MACROD2: variants seen among roughly 807,000 people sequenced by gnomAD.
MACROD2 encodes the protein ADP-ribose glycohydrolase MACROD2.
A neutral mutation model predicts 70.4 loss-of-function variants in MACROD2; 36 were observed. The ratio of observed to expected loss-of-function variants is 0.51; its 90% CI spans 0.39 to 0.68. MACROD2 has a LOEUF of 0.68. MACROD2 is among the 30% of genes least tolerant of loss of function. MACROD2 has a pLI of 0.00. For synonymous variants in MACROD2, 172 were observed against 178.8 expected (o/e 0.96, Z 0.30); for missense variants, 496 against 538.4 (o/e 0.92, Z 0.78).
intron 3 of MACROD2, among the ~76,000 whole-genome samples, chr20:14,150,254 G>A (rs749380135): frequency 6.6e-6 from 1 of 152,210 alleles, no homozygotes; most frequent in African/African-American, 2.4e-5. Flanking sequence ...TAATAATTCT[G>A]ATGCAGGACT....
intron 4 of MACROD2, among the ~76,000 whole-genome samples, chr20:14,544,495 A>C (rs1819675066): frequency 6.6e-6 from 1 of 152,168 alleles, no homozygotes; most frequent in Admixed American, 6.5e-5. Context: ...TTTTAGTAGA[A>C]TAATGAGTAA....
At chr20:15,141,212 A>G (rs1202563355) in intron 5 of MACROD2, among the ~76,000 whole-genome samples, 1 of 152,170 alleles carries the variant, frequency 6.6e-6, no homozygotes, top group Non-Finnish European at 1.5e-5. Context: ...ATATAGATAT[A>G]CATGTGTTTG....
intron 9 of MACROD2, among the ~76,000 whole-genome samples, chr20:15,883,299 A>G (rs1034951046): frequency 9.2e-5 from 14 of 152,072 alleles, no homozygotes; most frequent in African/African-American, 2.7e-4. Context: ...GCTCTGTAAA[A>G]TAAAATTATA....
chr20:15,903,072 C>A (rs150984871), intron 10 of MACROD2, among the ~76,000 whole-genome samples: 92 of 152,192 alleles, frequency 6.0e-4, no homozygotes, highest in African/African-American at 2.1e-3. Context: ...AAAGAGTGTT[C>A]CAGTAGAGGA....
chr20:14,150,139 C>A (rs900371777), intron 3 of MACROD2, among the ~76,000 whole-genome samples: 1 of 151,914 alleles, frequency 6.6e-6, no homozygotes, highest in Non-Finnish European at 1.5e-5. Context: ...TACCATTTTT[C>A]TTCTCTCTTT....
intron 4 of MACROD2, among the ~76,000 whole-genome samples, chr20:14,510,977 G>A (rs993632582): frequency 2.4e-4 from 37 of 152,012 alleles, no homozygotes; most frequent in African/African-American, 7.2e-4. Flanking sequence ...GTCCTGAACT[G>A]CAGGTTGGTA....
chr20:14,970,046 A>G (rs1047564765), intron 5 of MACROD2, among the ~76,000 whole-genome samples: 22 of 152,110 alleles, frequency 1.4e-4, no homozygotes, highest in Admixed American at 1.2e-3. Flanking sequence ...AAATACCTTA[A>G]ATTTATAAAG....
intron 6 of MACROD2, among the ~76,000 whole-genome samples, chr20:15,394,620 C>G (rs1260333307): frequency 6.6e-6 from 1 of 152,188 alleles, no homozygotes; most frequent in Non-Finnish European, 1.5e-5. Context: ...GAAGGAGTAT[C>G]TTTTCTTACT....
At chr20:16,026,620 C>A (rs1011528033) in intron 15 of MACROD2, among the ~76,000 whole-genome samples, 1 of 152,132 alleles carries the variant, frequency 6.6e-6, no homozygotes, top group African/African-American at 2.4e-5. Flanking sequence ...ACATTTGGTC[C>A]CAACCTCATT....
intron 5 of MACROD2, among the ~76,000 whole-genome samples, chr20:15,174,714 T>C (rs2076446900): frequency 6.6e-6 from 1 of 152,246 alleles, no homozygotes; most frequent in African/African-American, 2.4e-5. Flanking sequence ...TGTGAGATGG[T>C]ATCTCACTGT....
At chr20:15,147,137 C>T (rs2076235818) in intron 5 of MACROD2, among the ~76,000 whole-genome samples, 2 of 152,062 alleles carry the variant, frequency 1.3e-5, no homozygotes, top group South Asian at 4.1e-4. Flanking sequence ...TGAGCCTTAC[C>T]CTGGGGGCGG....
chr20:15,509,910 G>A (rs1568857744), intron 8 of MACROD2, among the ~76,000 whole-genome samples: 1 of 152,162 alleles, frequency 6.6e-6, no homozygotes, highest in African/African-American at 2.4e-5. Context: ...AGCACAATCA[G>A]ACCTGTAAGA....
At chr20:14,605,459 T>G (rs888700310) in intron 4 of MACROD2, among the ~76,000 whole-genome samples, 3 of 152,196 alleles carry the variant, frequency 2.0e-5, no homozygotes, top group Admixed American at 2.0e-4. Flanking sequence ...TGACCTCATT[T>G]TAACATGATC....
intron 3 of MACROD2, among the ~76,000 whole-genome samples, chr20:14,198,775 A>G (rs1230213220): frequency 2.0e-5 from 3 of 151,892 alleles, no homozygotes; most frequent in African/African-American, 7.3e-5. Context: ...TCCTTAAAAC[A>G]TGCTTATCTG....
intron 3 of MACROD2, among the ~76,000 whole-genome samples, chr20:14,203,768 G>T (rs2081499897): frequency 6.6e-6 from 1 of 152,248 alleles, no homozygotes; most frequent in African/African-American, 2.4e-5. Flanking sequence ...AGGCACCCAT[G>T]GTGGCAGTCT....
rs75292404 is a variant in MACROD2, at chr20:14,598,714, A to T, written c.302-86129A>T. Among the ~76,000 whole-genome samples the T allele has an allele frequency of 5.8e-4, 89 of 152,302 alleles. 1 individual carries two copies. In the East Asian group the frequency reaches 0.016, roughly 28 times the overall value. On this transcript the variant is annotated intron_variant, in intron 4 of 17. Transcript: ENST00000684519. ...CCCAATAGCCTAAGTGTATACAAGA[A>T]ATGTAGTAGGGAGCAGTTTGAGAAT... is the stretch of plus-strand genomic sequence containing the variant.
At chr20:14,688,738 A>T (rs1342702335) in intron 5 of MACROD2, among the ~76,000 whole-genome samples, 2 of 152,166 alleles carry the variant, frequency 1.3e-5, no homozygotes, top group Non-Finnish European at 2.9e-5. Flanking sequence ...TCATGCTATC[A>T]TCATTCCGCC....
chr20:14,227,457 C>T (rs545746637), intron 3 of MACROD2, among the ~76,000 whole-genome samples: 63 of 152,202 alleles, frequency 4.1e-4, no homozygotes, highest in African/African-American at 1.5e-3. Flanking sequence ...ACGCACCCAC[C>T]GGGAGGAACG....
chr20:15,768,067 G>A (rs1174529218), intron 8 of MACROD2, among the ~76,000 whole-genome samples: 1 of 151,794 alleles, frequency 6.6e-6, no homozygotes, highest in Non-Finnish European at 1.5e-5. Flanking sequence ...GAAAATAAAA[G>A]ATATATGTAT....
Sources: gnomAD v4.1 joint callset for allele counts (sites outside exome capture counted in the v4.1 genomes callset) on GRCh38, gnomAD v4.1.1 for gene constraint, MANE v1.5 for transcripts, NCBI Gene and HGNC (gene_info 2026-07-23, HGNC 2026-07-21) for gene names.